The following SLCO1B3 variants were observed in gnomAD, a reference collection of about 807,000 sequenced individuals.
The protein encoded by SLCO1B3 is liver-specific organic anion transporter 2.
In SLCO1B3, 72 loss-of-function variants were observed where a neutral mutation model predicts 71.8. The observed-to-expected ratio is 1.00, with a 90% CI of 0.83 to 1.22. The LOEUF is 1.22. Ranked by LOEUF, SLCO1B3 falls within the 50% of genes most tolerant of loss-of-function variation. The pLI is 0.00. For missense variants in SLCO1B3, 911 were observed against 819.7 expected (o/e 1.11, Z -1.36); for synonymous variants, 298 against 278.4 (o/e 1.07, Z -0.70).
At chr12:20,827,452 G>T (rs1180341090) in intron 3 of SLCO1B3, among the ~76,000 whole-genome samples, 1 of 152,084 alleles carries the variant, frequency 6.6e-6, no homozygotes, top group Non-Finnish European at 1.5e-5. Flanking sequence ...ATTTTTAGTA[G>T]TGAAACGTAC....
Position 20,898,512 on chromosome 12 carries a change from ATATAGAT to A in SLCO1B3, c.1747+17_1747+23del. ...TATAAGAACACTAGGTATGACAAAT[ATATAGAT>A]TATACATTTTAACATATAAATATTA... On this transcript the variant is annotated intron_variant, in intron 14 of 15. Transcript: ENST00000381545. The A allele has an allele frequency of 7.4e-7, 1 of 1,351,226 alleles. No homozygotes were observed. Among genetic ancestry groups the A allele is most frequent in the Non-Finnish European group, 1.0e-6 (1 of 954,452 alleles). 83.7% of individuals were successfully genotyped at this position (1,351,226 alleles called of 1,614,324 possible).
chr12:20,824,159 T>C (rs920522090), intron 3 of SLCO1B3, among the ~76,000 whole-genome samples: 8 of 152,228 alleles, frequency 5.3e-5, no homozygotes, highest in Non-Finnish European at 1.2e-4. Context: ...CTAAATTCAC[T>C]TTATTAAATT....
At chr12:20,906,869 A>G (rs1160741245) in intron 15 of SLCO1B3, among the ~76,000 whole-genome samples, 1 of 152,230 alleles carries the variant, frequency 6.6e-6, no homozygotes, top group African/African-American at 2.4e-5. Context: ...TTGGCAAAGT[A>G]TATAACTTTG....
intron 3 of SLCO1B3, among the ~76,000 whole-genome samples, chr12:20,820,720 A>G (rs1288391421): frequency 6.6e-6 from 1 of 152,152 alleles, no homozygotes; most frequent in Non-Finnish European, 1.5e-5. Context: ...TATATTGAGA[A>G]TAAGATGGCC....
At chr12:20,870,727 T>C (rs1865459782) in intron 8 of SLCO1B3, among the ~76,000 whole-genome samples, 1 of 152,172 alleles carries the variant, frequency 6.6e-6, no homozygotes, top group African/African-American at 2.4e-5. Flanking sequence ...TACTTTAGCT[T>C]TGACATATAT....
At chr12:20,849,860 TA>T (rs993204827) in intron 3 of SLCO1B3, among the ~76,000 whole-genome samples, 10 of 151,618 alleles carry the variant, frequency 6.6e-5, no homozygotes, top group South Asian at 2.1e-4. Flanking sequence ...ACAAAAAGGT[TA>T]AAAAAAATCA....
intron 3 of SLCO1B3, among the ~76,000 whole-genome samples, chr12:20,838,227 T>G (rs1468335737): frequency 1.3e-5 from 2 of 152,066 alleles, no homozygotes; most frequent in Non-Finnish European, 2.9e-5. Flanking sequence ...CTGGTAACTT[T>G]CCTTGCTTTG....
chr12:20,878,025 T>A (rs1865617713), intron 10 of SLCO1B3, 89 bp downstream of exon 10: 1 of 879,556 alleles, frequency 1.1e-6, no homozygotes, highest in Non-Finnish European at 1.7e-6. Flanking sequence ...GAAGGTGATT[T>A]TATATTTTAC....
intron 13 of SLCO1B3, among the ~76,000 whole-genome samples, chr12:20,892,487 A>G (rs1865924022): frequency 6.6e-6 from 1 of 152,296 alleles, no homozygotes; most frequent in Non-Finnish European, 1.5e-5. Context: ...GGAAACTGAC[A>G]ATGCAGAAAA....
At chr12:20,820,891 A>T (rs1864288574) in intron 3 of SLCO1B3, among the ~76,000 whole-genome samples, 3 of 152,292 alleles carry the variant, frequency 2.0e-5, no homozygotes, top group African/African-American at 7.2e-5. Context: ...CTTTGGCTCC[A>T]GCCACCTTTT....
chr12:20,817,784 G>A (rs1259170799), intron 3 of SLCO1B3, among the ~76,000 whole-genome samples: 1 of 151,792 alleles, frequency 6.6e-6, no homozygotes, highest in Non-Finnish European at 1.5e-5. Flanking sequence ...TAGAGATGAG[G>A]TTTCACCATG....
chr12:20,842,912 A>G (rs531335818), intron 3 of SLCO1B3, among the ~76,000 whole-genome samples: 7 of 152,234 alleles, frequency 4.6e-5, no homozygotes, highest in African/African-American at 1.4e-4. Flanking sequence ...TGTTTTTATA[A>G]AAGAGACCCC....
At chr12:20,911,845 G>A (rs1831743388) in intron 15 of SLCO1B3, among the ~76,000 whole-genome samples, 1 of 152,034 alleles carries the variant, frequency 6.6e-6, no homozygotes. Flanking sequence ...AGCCTGGCAA[G>A]GGACTCCAAT....
intron 3 of SLCO1B3, among the ~76,000 whole-genome samples, chr12:20,816,538 T>G (rs1864197070): frequency 6.6e-6 from 1 of 152,208 alleles, no homozygotes; most frequent in Non-Finnish European, 1.5e-5. Context: ...ATTTCATTCT[T>G]TCTATAGCTG....
intron 9 of SLCO1B3, among the ~76,000 whole-genome samples, chr12:20,877,110 C>T (rs576004642): frequency 9.1e-4 from 139 of 152,056 alleles, no homozygotes; most frequent in Non-Finnish European, 1.4e-3. Context: ...GGATTACAGG[C>T]GTGAGCCACC....
At chr12:20,851,034 A>G (rs1865017826) in intron 3 of SLCO1B3, among the ~76,000 whole-genome samples, 1 of 152,012 alleles carries the variant, frequency 6.6e-6, no homozygotes, top group African/African-American at 2.4e-5. Flanking sequence ...TGTGGTTTTG[A>G]TTTGCATTAT....
chr12:20,859,335 T>C (rs1865205944), intron 5 of SLCO1B3, among the ~76,000 whole-genome samples: 1 of 152,152 alleles, frequency 6.6e-6, no homozygotes, highest in African/African-American at 2.4e-5. Flanking sequence ...TATTCCAGGC[T>C]TCCGTATTTC....
At chr12:20,861,192 G>T in intron 6 of SLCO1B3, 54 bp downstream of exon 6, 1 of 1,453,792 alleles carries the variant, frequency 6.9e-7, no homozygotes, top group Non-Finnish European at 9.3e-7. Flanking sequence ...ATTTAATCAC[G>T]TCTATAAAGT....
At chr12:20,880,689 T>A (rs1865672667) in intron 11 of SLCO1B3, among the ~76,000 whole-genome samples, 166 bp from the exon 12 acceptor site, 1 of 152,048 alleles carries the variant, frequency 6.6e-6, no homozygotes. Flanking sequence ...CAAATCAAAT[T>A]TCTCTATCTA....
Sources: allele counts gnomAD v4.1 joint callset (sites outside exome capture counted in the v4.1 genomes callset), GRCh38; gene constraint gnomAD v4.1.1; transcripts MANE v1.5; gene names NCBI Gene and HGNC (gene_info 2026-07-23, HGNC 2026-07-21).